The following POU2F1 variants were observed in gnomAD, a reference collection of about 807,000 sequenced individuals.
POU2F1 encodes the protein POU domain, class 2, transcription factor 1.
POU2F1 carries 16 observed loss-of-function variants against 84.9 expected under a neutral mutation model. The ratio of observed to expected loss-of-function variants is 0.19; its 90% CI spans 0.13 to 0.29. The LOEUF is 0.29. POU2F1 is among the 10% of genes least tolerant of loss of function. The probability of loss-of-function intolerance (pLI) is 1.00; values close to 1 mark genes in which losing one functional copy is unlikely to be tolerated. For synonymous variants in POU2F1, 368 were observed against 368.3 expected (o/e 1.00, Z 0.01); for missense variants, 738 against 942.6 (o/e 0.78, Z 2.84).
chr1:167,267,361 T>C (rs1419194908), intron 1 of POU2F1, among the ~76,000 whole-genome samples: 1 of 151,248 alleles, frequency 6.6e-6, no homozygotes, highest in African/African-American at 2.4e-5. Context: ...TATTTCAGAC[T>C]TGTTTGATTG....
intron 1 of POU2F1, among the ~76,000 whole-genome samples, chr1:167,230,266 G>A (rs750568295): frequency 2.0e-5 from 3 of 152,160 alleles, no homozygotes; most frequent in Non-Finnish European, 4.4e-5. Flanking sequence ...GAAGGCCATG[G>A]TGTATGGTAT....
chr1:167,400,287 C>T (rs192414537), intron 12 of POU2F1, among the ~76,000 whole-genome samples: 7 of 152,050 alleles, frequency 4.6e-5, no homozygotes, highest in African/African-American at 1.4e-4. Flanking sequence ...TGAGCCACTG[C>T]GCCCAGCCCA....
At chr1:167,308,359 GCCC>G (rs1655233496) in intron 1 of POU2F1, among the ~76,000 whole-genome samples, 1 of 151,970 alleles carries the variant, frequency 6.6e-6, no homozygotes, top group Admixed American at 6.6e-5. Flanking sequence ...GAGCCACCAC[GCCC>G]AGCCTGTTTC....
intron 1 of POU2F1, among the ~76,000 whole-genome samples, chr1:167,259,694 G>A (rs1651409021): frequency 6.6e-6 from 1 of 152,128 alleles, no homozygotes; most frequent in Admixed American, 6.5e-5. Flanking sequence ...CAGATACTGC[G>A]AGAGTGACTA....
chr1:167,397,401 G>A (rs1404371083), intron 10 of POU2F1, among the ~76,000 whole-genome samples: 1 of 152,192 alleles, frequency 6.6e-6, no homozygotes, highest in East Asian at 1.9e-4. Flanking sequence ...ATAGAGCTGA[G>A]TTTAAGGATA....
In POU2F1 at chr1:167,221,950, C is replaced by A. The variant is rs537863058; in HGVS notation, c.61+992C>A. On this transcript the variant is annotated intron_variant, in intron 1 of 15. Transcript: ENST00000367866. ...CCCTTTGCGTTGTCGGCCGGGGCTTCGCGGGCGAGTTGGGCTGGAGGTGCC... is the reference window on the plus strand; with the variant it reads ...CCCTTTGCGTTGTCGGCCGGGGCTTAGCGGGCGAGTTGGGCTGGAGGTGCC... Among the ~76,000 whole-genome samples the A allele has an allele frequency of 5.1e-4, 77 of 152,146 alleles. 1 individual carries two copies. Among genetic ancestry groups the A allele is most frequent in the Non-Finnish European group, 7.9e-4 (54 of 67,948 alleles).
intron 2 of POU2F1, among the ~76,000 whole-genome samples, chr1:167,333,822 ATCTT>A (rs1386186032): frequency 6.6e-6 from 1 of 152,098 alleles, no homozygotes; most frequent in Non-Finnish European, 1.5e-5. Context: ...TTTGGACTCC[ATCTT>A]TCTTTCTTGT....
chr1:167,312,866 G>A (rs1321881377), intron 1 of POU2F1, among the ~76,000 whole-genome samples: 8 of 152,102 alleles, frequency 5.3e-5, no homozygotes, highest in Non-Finnish European at 1.0e-4. Context: ...TTCAAATACC[G>A]TTTTAGAAAT....
chr1:167,276,955 G>C (rs1158665583), intron 1 of POU2F1, among the ~76,000 whole-genome samples: 1 of 152,152 alleles, frequency 6.6e-6, no homozygotes, highest in Non-Finnish European at 1.5e-5. Context: ...TGAGTGAGTA[G>C]AATGTGCTCT....
intron 1 of POU2F1, among the ~76,000 whole-genome samples, chr1:167,252,793 C>T (rs1650829560): frequency 6.6e-6 from 1 of 152,166 alleles, no homozygotes; most frequent in African/African-American, 2.4e-5. Flanking sequence ...GTGATAACTT[C>T]TTGTTTATAA....
chr1:167,380,710 AT>A (rs1647474676), intron 7 of POU2F1: 1 of 152,246 alleles, frequency 6.6e-6, no homozygotes. Context: ...TGTTTCCAGC[AT>A]GAGATTAGCC....
At chr1:167,303,159 A>G (rs1178132935) in intron 1 of POU2F1, among the ~76,000 whole-genome samples, 2 of 151,140 alleles carry the variant, frequency 1.3e-5, no homozygotes, top group Non-Finnish European at 3.0e-5. Context: ...TTTTTATGTT[A>G]GTGAAATGCA....
At chr1:167,360,789 T>G (rs897250394) in intron 2 of POU2F1, among the ~76,000 whole-genome samples, 8 of 152,168 alleles carry the variant, frequency 5.3e-5, no homozygotes, top group Non-Finnish European at 1.0e-4. Flanking sequence ...TTGGGCAGTA[T>G]AGACATTTTA....
chr1:167,277,464 C>T (rs1179125538), intron 1 of POU2F1, among the ~76,000 whole-genome samples: 1 of 150,634 alleles, frequency 6.6e-6, no homozygotes, highest in Non-Finnish European at 1.5e-5. Flanking sequence ...TGGGAACTAA[C>T]TCCATTTTTA....
chr1:167,413,189 G>T, intron 15 of POU2F1, 75 bp downstream of exon 15: 1 of 1,244,306 alleles, frequency 8.0e-7, no homozygotes, highest in South Asian at 1.3e-5. Flanking sequence ...GTGTGTGTGT[G>T]CTTGAGACAG....
At chr1:167,371,765 A>C (rs1571388873) in intron 4 of POU2F1, 152 bp from the exon 5 acceptor site, 2 of 1,078,160 alleles carry the variant, frequency 1.9e-6, no homozygotes, top group Non-Finnish European at 2.7e-6. Context: ...GGTATGTGAA[A>C]CTAGGAAAAT....
intron 1 of POU2F1, among the ~76,000 whole-genome samples, chr1:167,238,272 A>C (rs1649651929): frequency 6.6e-6 from 1 of 152,226 alleles, no homozygotes; most frequent in Non-Finnish European, 1.5e-5. Flanking sequence ...AAATAAAAAT[A>C]TAAAAGACCT....
intron 1 of POU2F1, among the ~76,000 whole-genome samples, chr1:167,281,560 G>C (rs1360064821): frequency 6.6e-6 from 1 of 152,210 alleles, no homozygotes; most frequent in Non-Finnish European, 1.5e-5. Flanking sequence ...TAGAAAATGG[G>C]AGTGAGGTAC....
At chr1:167,414,566 A>AGG in intron 15 of POU2F1, 4 of 985,476 alleles carry the variant, frequency 4.1e-6, no homozygotes, top group Non-Finnish European at 4.8e-6. Flanking sequence ...GCCAGACAAC[A>AGG]GGTTGAGATA....
Sources: gnomAD v4.1 joint callset for allele counts (sites outside exome capture counted in the v4.1 genomes callset) on GRCh38, gnomAD v4.1.1 for gene constraint, MANE v1.5 for transcripts, NCBI Gene and HGNC (gene_info 2026-07-23, HGNC 2026-07-21) for gene names.